Variants in ADCK2 observed in about 807,000 individuals in gnomAD.
ADCK2 encodes uncharacterized aarF domain-containing protein kinase 2.
In ADCK2, 37 loss-of-function variants were observed where a neutral mutation model predicts 52.3. The observed-to-expected ratio is 0.71, with a 90% CI of 0.54 to 0.93. The LOEUF (loss-of-function observed/expected upper bound fraction) is 0.93, where lower values mean the gene tolerates loss of function less well. ADCK2 is among the 40% of genes least tolerant of loss of function. ADCK2 has a pLI of 0.00. For synonymous variants in ADCK2, 321 were observed against 349.2 expected (o/e 0.92, Z 0.90); for missense variants, 695 against 798.7 (o/e 0.87, Z 1.56).
chr7:140,677,675 G>A (rs931326943), intron 2 of ADCK2, among the ~76,000 whole-genome samples: 2 of 152,212 alleles, frequency 1.3e-5, no homozygotes, highest in Admixed American at 6.5e-5. Context: ...GCAATTTTAT[G>A]TCAGGGACTG....
intron 2 of ADCK2, among the ~76,000 whole-genome samples, chr7:140,676,338 G>A (rs559224619): frequency 6.6e-6 from 1 of 152,154 alleles, no homozygotes; most frequent in African/African-American, 2.4e-5. Flanking sequence ...ATCACCTTAG[G>A]GCTTAGCATT....
At chr7:140,683,397 C>T (rs1019417127) in intron 4 of ADCK2, among the ~76,000 whole-genome samples, 7 of 152,222 alleles carry the variant, frequency 4.6e-5, no homozygotes, top group African/African-American at 1.4e-4. Flanking sequence ...GAGGGTGAGA[C>T]GAGAGGCAGG....
chr7:140,677,988 C>T (rs1794449414), intron 2 of ADCK2, among the ~76,000 whole-genome samples: 1 of 152,062 alleles, frequency 6.6e-6, no homozygotes, highest in African/African-American at 2.4e-5. Context: ...GAGAGATGGA[C>T]CTGGACAGAG....
Position 140,679,212 on chromosome 7 carries a change from G to A in ADCK2, c.1138G>A (p.Val380Met). Residue 380 changes from valine (V) to methionine (M), a missense_variant, in exon 3 of 8, where the codon GTG becomes ATG. By Grantham distance (21) the Val-to-Met change is conservative. Coordinates refer to ENST00000072869, the MANE Select transcript of ADCK2 (RefSeq NM_052853.4). The stretch of plus-strand genomic sequence containing the variant: ...ACACTTCCAGGTCAACTTCCGGAAT[G>A]TGAAAGCCGTCAAGTTCCCCACCCC... ...LEHFQVNFRN[V>M]KAVKFPTPLR... The A allele has an allele frequency of 1.9e-6, 3 of 1,614,130 alleles. No homozygotes were observed. Among genetic ancestry groups the A allele is most frequent in the South Asian group, 2.2e-5 (2 of 91,070 alleles).
intron 4 of ADCK2, among the ~76,000 whole-genome samples, chr7:140,683,347 A>G (rs1794550958): frequency 6.6e-6 from 1 of 152,144 alleles, no homozygotes; most frequent in Admixed American, 6.5e-5. Context: ...GGAATGCCCT[A>G]ATGTCACAAC....
rs1328195287 is a variant in ADCK2, at chr7:140,673,122, G to GGCGCA, written c.-205_-204insAGCGC. The GGCGCA allele has an allele frequency of 1.3e-5, 4 of 306,792 alleles. No individual in the cohort carries two copies. The East Asian group carries it at 1.6e-4, about 12-fold the overall frequency. 19.0% of individuals were successfully genotyped at this position (306,792 alleles called of 1,614,324 possible). ...TGCCGTCTGACAGCCCCTTCCGCGC[G>GGCGCA]GCGCGGCGCGGCGCGGCGGGTGTCG... On this transcript the variant is annotated 5_prime_UTR_variant, in exon 1 of 8. Coordinates refer to ENST00000072869, the MANE Select transcript of ADCK2 (RefSeq NM_052853.4). This position sits in a 1 kb window ranked among gnomAD's most constrained non-coding sequence, Gnocchi z 6.4.
intron 3 of ADCK2, among the ~76,000 whole-genome samples, chr7:140,680,133 C>T (rs1180262917): frequency 1.3e-5 from 2 of 151,740 alleles, no homozygotes; most frequent in Non-Finnish European, 2.9e-5. Context: ...GATCTATCTC[C>T]ATGGGTTGTT....
In ADCK2 at chr7:140,695,003, G is replaced by C. The variant is rs1410773286; in HGVS notation, c.*200G>C. 3 of 1,338,404 alleles carry C rather than the reference G, an allele frequency of 2.2e-6. No homozygotes were observed. The highest frequency in any genetic ancestry group is 2.9e-6 in the Non-Finnish European group (3 of 1,047,424). The allele number at this position is 1,338,404 out of a possible 1,614,324, so 82.9% of individuals were successfully genotyped here. A position where few individuals can be genotyped will look rare whatever the true frequency, so the allele number is the denominator to read the frequency against. On this transcript the variant is annotated 3_prime_UTR_variant, in exon 8 of 8. Coordinates refer to ENST00000072869, the MANE Select transcript of ADCK2 (RefSeq NM_052853.4). ...TGGGCCAATTAGGGAGTAAAAGGAG[G>C]GAAGGGGCCTATCCATTCCATTGTG...
rs951256840 is a variant in ADCK2, at chr7:140,689,460, C to T, written c.1558-137C>T. ...AGGTATGGGCAAAGGGAAAAGGTCA[C>T]AGCCCGAGGAGGAAGAGCCAAAAGC... On this transcript the variant is annotated intron_variant, in intron 5 of 7. Coordinates refer to ENST00000072869, the MANE Select transcript of ADCK2 (RefSeq NM_052853.4). The T allele has an allele frequency of 7.9e-5, 85 of 1,080,224 alleles. No homozygotes were observed. In the African/African-American group the frequency reaches 1.3e-3, roughly 16 times the overall value. 66.9% of individuals were successfully genotyped at this position (1,080,224 alleles called of 1,614,324 possible).
chr7:140,681,256 G>T, intron 4 of ADCK2, 119 bp downstream of exon 4: 2 of 869,804 alleles, frequency 2.3e-6, no homozygotes, highest in Non-Finnish European at 3.8e-6. Flanking sequence ...CCGCCAGGTT[G>T]AGAAAGTCTG....
Position 140,679,144 on chromosome 7 carries a change from T to C in ADCK2, c.1081-11T>C, listed in dbSNP as rs758172039. Reference sequence around the variant, plus strand: ...GACTAGCCCTCATCCTTTCTGTCCATTTCTCTGTAGATTGACCTGCGTTAC... The same window carrying C: ...GACTAGCCCTCATCCTTTCTGTCCACTTCTCTGTAGATTGACCTGCGTTAC... On this transcript the variant is annotated splice_polypyrimidine_tract_variant and intron_variant, in intron 2 of 7. Transcript: ENST00000072869. 1 of 1,613,930 alleles carries C rather than the reference T, an allele frequency of 6.2e-7. No individual in the cohort carries two copies. The highest frequency in any genetic ancestry group is 1.1e-5 in the South Asian group (1 of 91,060).
In ADCK2 at chr7:140,674,983, G is replaced by A. The variant is rs1376427670; in HGVS notation, c.1080+226G>A. Among the ~76,000 whole-genome samples the A allele has an allele frequency of 6.6e-6, 1 of 152,124 alleles. No homozygotes were observed. Among genetic ancestry groups the A allele is most frequent in the Non-Finnish European group, 1.5e-5 (1 of 68,022 alleles). On this transcript the variant is annotated intron_variant, in intron 2 of 7. Coordinates refer to ENST00000072869, the MANE Select transcript of ADCK2 (RefSeq NM_052853.4). The surrounding 1 kb of genome is among the most constrained non-coding windows in gnomAD (Gnocchi z 4.6). ...TCTGGCCGGGCGTGGTGGCTCATGT[G>A]TGTAATCCTAGGACTTTGGGAGGCT...
intron 2 of ADCK2, among the ~76,000 whole-genome samples, chr7:140,675,693 A>C (rs1794391539): frequency 6.6e-6 from 1 of 152,240 alleles, no homozygotes. Context: ...CCTTTGTGAC[A>C]AGGAAATGAT....
intron 4 of ADCK2, among the ~76,000 whole-genome samples, chr7:140,685,664 C>T (rs1356945966): frequency 1.3e-5 from 2 of 152,076 alleles, no homozygotes; most frequent in Admixed American, 6.6e-5. Context: ...CATGGTCTGC[C>T]GCCATAAGGG....
rs201212457 is a variant in ADCK2, at chr7:140,679,169, C to T, written c.1095C>T (p.Tyr365=). ...KLMVQQIDLR[Y]EAQNLEHFQV... is the part of the protein sequence containing the mutation. Reference sequence around the variant, plus strand: ...TTTCTCTGTAGATTGACCTGCGTTACGAAGCTCAGAATCTAGAACACTTCC... The same window carrying T: ...TTTCTCTGTAGATTGACCTGCGTTATGAAGCTCAGAATCTAGAACACTTCC... Residue 365 remains tyrosine (Y), a synonymous_variant, in exon 3 of 8, where the codon TAC becomes TAT. Coordinates refer to ENST00000072869, the MANE Select transcript of ADCK2 (RefSeq NM_052853.4). The T allele has an allele frequency of 1.1e-4, 177 of 1,614,070 alleles. No individual in the cohort carries two copies. The Admixed American group carries it at 2.0e-3, about 19-fold the overall frequency.
Position 140,693,784 on chromosome 7 carries a change from A to G in ADCK2, c.1741-879A>G, listed in dbSNP as rs1471029308. On this transcript the variant is annotated intron_variant, in intron 7 of 7. Coordinates refer to ENST00000072869, the MANE Select transcript of ADCK2 (RefSeq NM_052853.4). This position sits in a 1 kb window ranked among gnomAD's most constrained non-coding sequence, Gnocchi z 4.0. The stretch of plus-strand genomic sequence containing the variant: ...GAGTGCAGTGGAGCCATCCTGGCTC[A>G]CTGCAAGCTCTGCCTCCCGAGTTCA... Among the ~76,000 whole-genome samples, 1 of 152,106 alleles carries G rather than the reference A, an allele frequency of 6.6e-6. No individual in the cohort carries two copies. The highest frequency in any genetic ancestry group is 2.4e-5 in the African/African-American group (1 of 41,420).
In ADCK2 at chr7:140,678,071, T is replaced by C. The variant is rs902163805; in HGVS notation, c.1081-1084T>C. On this transcript the variant is annotated intron_variant, in intron 2 of 7. Transcript: ENST00000072869. This position sits in a 1 kb window ranked among gnomAD's most constrained non-coding sequence, Gnocchi z 4.9. ...CAGACTTCACCATGCAGGTAATGGATTGGAGAGGAAGGATGGGTCAAGGAG... is the reference window on the plus strand; with the variant it reads ...CAGACTTCACCATGCAGGTAATGGACTGGAGAGGAAGGATGGGTCAAGGAG... Among the ~76,000 whole-genome samples the C allele has an allele frequency of 6.6e-6, 1 of 151,728 alleles. No individual in the cohort carries two copies. The highest frequency in any genetic ancestry group is 2.4e-5 in the African/African-American group (1 of 41,278).
chr7:140,676,365 G>T lies in ADCK2; in HGVS notation c.1080+1608G>T, dbSNP rs577473777. Among the ~76,000 whole-genome samples, 251 of 152,250 alleles carry T rather than the reference G, an allele frequency of 1.6e-3. 2 individuals carry two copies. The highest frequency in any genetic ancestry group is 8.9e-3 in the South Asian group (43 of 4,820). On this transcript the variant is annotated intron_variant, in intron 2 of 7. Coordinates refer to ENST00000072869, the MANE Select transcript of ADCK2 (RefSeq NM_052853.4). Reference sequence around the variant, plus strand: ...CTTAGCATTTCAACAAAGGAATTTTGGGGGGACACAAACATTCATAGCTAC... The same window carrying T: ...CTTAGCATTTCAACAAAGGAATTTTTGGGGGACACAAACATTCATAGCTAC...
chr7:140,677,441 G>A (rs887395343), intron 2 of ADCK2, among the ~76,000 whole-genome samples: 1 of 151,624 alleles, frequency 6.6e-6, no homozygotes, highest in African/African-American at 2.4e-5. Flanking sequence ...TCAGCCCTCT[G>A]TCCATGAGTC....
Sources: allele counts gnomAD v4.1 joint callset (sites outside exome capture counted in the v4.1 genomes callset), GRCh38; gene constraint gnomAD v4.1.1; non-coding constraint Gnocchi (gnomAD v3.1); transcripts MANE v1.5; gene names NCBI Gene and HGNC (gene_info 2026-07-23, HGNC 2026-07-21).